Variants in LRRC28 observed in about 807,000 individuals in gnomAD.
LRRC28 encodes leucine rich repeat containing 28, also known as leucine-rich repeat-containing protein 28.
LRRC28 carries 39 observed loss-of-function variants against 45.7 expected under a neutral mutation model. The observed-to-expected ratio is 0.85, with a 90% CI of 0.66 to 1.12. The LOEUF is 1.12. LRRC28 is among the 50% of genes most tolerant of loss of function. The pLI is 0.00. For synonymous variants in LRRC28, 206 were observed against 178.8 expected, an observed-to-expected ratio of 1.15 and a Z score of -1.22; for missense variants, 435 against 438.5, an observed-to-expected ratio of 0.99 and a Z score of 0.07.
intron 8 of LRRC28, 72 bp downstream of exon 8, chr15:99,361,583 G>C: frequency 7.0e-7 from 1 of 1,425,252 alleles, no homozygotes; most frequent in Non-Finnish European, 9.4e-7. Context: ...CACCTGTTTT[G>C]GCGTTCATCT....
chr15:99,260,019 A>G lies in LRRC28; in HGVS notation c.168+3894A>G, dbSNP rs2081150073. Reference sequence around the variant, plus strand: ...TCTACAGCTGAAAAAGATGAATTGTAAATTATACTCTCATCGTTTGGATCC... The same window carrying G: ...TCTACAGCTGAAAAAGATGAATTGTGAATTATACTCTCATCGTTTGGATCC... On this transcript the variant is annotated intron_variant, in intron 2 of 9. Coordinates refer to ENST00000301981, the MANE Select transcript of LRRC28 (RefSeq NM_144598.5). 5.0e-6 allele frequency: 3 copies of G among 594,100 alleles called. No individual in the cohort carries two copies. The Middle Eastern group carries it at 8.5e-4, about 168-fold the overall frequency. The allele number at this position is 594,100 out of a possible 1,614,324, so 36.8% of individuals were successfully genotyped here.
chr15:99,366,050 G>A (rs1484726864), intron 9 of LRRC28, among the ~76,000 whole-genome samples: 2 of 152,174 alleles, frequency 1.3e-5, no homozygotes, highest in Non-Finnish European at 1.5e-5. Flanking sequence ...ATATTTCCCA[G>A]TAGGAAACCA....
At chr15:99,282,478 T>C (rs1316495064) in intron 3 of LRRC28, among the ~76,000 whole-genome samples, 1 of 152,218 alleles carries the variant, frequency 6.6e-6, no homozygotes, top group Non-Finnish European at 1.5e-5. Flanking sequence ...ACAGGCCACA[T>C]ACATAATGGT....
chr15:99,278,737 T>C (rs1381541330), intron 3 of LRRC28, among the ~76,000 whole-genome samples: 1 of 152,244 alleles, frequency 6.6e-6, no homozygotes, highest in East Asian at 1.9e-4. Flanking sequence ...GTGTCTTGTA[T>C]TTTCTGAGGC....
chr15:99,369,658 G>A (rs1957428557), intron 9 of LRRC28, among the ~76,000 whole-genome samples: 1 of 152,174 alleles, frequency 6.6e-6, no homozygotes, highest in Non-Finnish European at 1.5e-5. Flanking sequence ...AGAGTGTACT[G>A]ATTTAAATAT....
chr15:99,370,134 G>T (rs1957443530), intron 9 of LRRC28, among the ~76,000 whole-genome samples: 2 of 152,188 alleles, frequency 1.3e-5, no homozygotes, highest in Non-Finnish European at 2.9e-5. Context: ...ACTGGGCCAA[G>T]GTGTCATAGC....
chr15:99,332,933 C>A (rs745556022), intron 5 of LRRC28, among the ~76,000 whole-genome samples: 8 of 151,744 alleles, frequency 5.3e-5, no homozygotes, highest in Non-Finnish European at 1.0e-4. Flanking sequence ...GAAGGGGAAA[C>A]CTTAACCTAG....
intron 9 of LRRC28, among the ~76,000 whole-genome samples, chr15:99,380,705 A>G (rs1957793335): frequency 6.6e-6 from 1 of 152,206 alleles, no homozygotes; most frequent in African/African-American, 2.4e-5. Flanking sequence ...TGCTTCCTTC[A>G]GGAGCTCTTG....
intron 5 of LRRC28, among the ~76,000 whole-genome samples, chr15:99,288,613 C>A (rs1392289081): frequency 1.3e-5 from 2 of 152,010 alleles, no homozygotes; most frequent in Non-Finnish European, 2.9e-5. Flanking sequence ...ATCTCCTGAC[C>A]TTGTGATCCA....
intron 7 of LRRC28, among the ~76,000 whole-genome samples, chr15:99,360,711 A>C (rs1376786901): frequency 6.6e-6 from 1 of 152,228 alleles, no homozygotes; most frequent in Non-Finnish European, 1.5e-5. Flanking sequence ...AAGAAATAGA[A>C]TGAGATTGGA....
At chr15:99,282,252 C>G (rs939522877) in intron 3 of LRRC28, among the ~76,000 whole-genome samples, 79 of 145,958 alleles carry the variant, frequency 5.4e-4, no homozygotes, top group African/African-American at 2.0e-3. Flanking sequence ...CCTCAGGTTC[C>G]CTGAACTCTG....
chr15:99,259,258 G>T, intron 2 of LRRC28: 1 of 1,054,778 alleles, frequency 9.5e-7, no homozygotes, highest in Non-Finnish European at 1.5e-6. Flanking sequence ...GCAGAAAAGA[G>T]GCTGAATCTT....
At chr15:99,264,880 A>C (rs1460729558) in intron 2 of LRRC28, among the ~76,000 whole-genome samples, 1 of 152,242 alleles carries the variant, frequency 6.6e-6, no homozygotes, top group Non-Finnish European at 1.5e-5. Context: ...AATGGGCTCC[A>C]GAGTACACAT....
intron 5 of LRRC28, among the ~76,000 whole-genome samples, chr15:99,290,514 A>G (rs1369414016): frequency 2.0e-5 from 3 of 152,190 alleles, no homozygotes; most frequent in African/African-American, 4.8e-5. Context: ...AAGATTGCCT[A>G]GAAAATGTAT....
intron 2 of LRRC28, among the ~76,000 whole-genome samples, chr15:99,257,181 T>C (rs1266351248): frequency 6.6e-6 from 1 of 152,212 alleles, no homozygotes; most frequent in East Asian, 1.9e-4. Flanking sequence ...ACGTATGTCT[T>C]GTTCTTTTGT....
intron 6 of LRRC28, among the ~76,000 whole-genome samples, chr15:99,351,056 T>C (rs936541722): frequency 3.3e-5 from 5 of 152,120 alleles, no homozygotes; most frequent in African/African-American, 4.8e-5. Flanking sequence ...TGTCTTGGCC[T>C]CCCAAGGTAC....
intron 2 of LRRC28, chr15:99,258,276 C>T: frequency 1.3e-6 from 2 of 1,554,010 alleles, no homozygotes; most frequent in East Asian, 2.2e-5. Flanking sequence ...AACAACGATA[C>T]CCAGTACATC....
In LRRC28 at chr15:99,327,763, A is replaced by G. The variant is rs114693689; in HGVS notation, c.386-6160A>G. On this transcript the variant is annotated intron_variant, in intron 5 of 9. Transcript: ENST00000301981. ...TTTTTATTATTTTCTGCTTATTTTT[A>G]TTTTAGTTTTTACTTTTTCTTTTTT... Among the ~76,000 whole-genome samples the G allele has an allele frequency of 7.4e-4, 112 of 151,024 alleles. 1 individual carries two copies. Among genetic ancestry groups the G allele is most frequent in the African/African-American group, 2.6e-3 (107 of 41,110 alleles).
At chr15:99,362,024 G>A (rs1957218683) in intron 8 of LRRC28, among the ~76,000 whole-genome samples, 2 of 152,204 alleles carry the variant, frequency 1.3e-5, no homozygotes, top group Admixed American at 1.3e-4. Context: ...GGAGCCGTTG[G>A]CAGTACTGTC....
Sources: allele counts gnomAD v4.1 joint callset (sites outside exome capture counted in the v4.1 genomes callset), GRCh38; gene constraint gnomAD v4.1.1; transcripts MANE v1.5; gene names NCBI Gene and HGNC (gene_info 2026-07-23, HGNC 2026-07-21).